FSHR: variants seen among roughly 807,000 people sequenced by gnomAD.
FSHR encodes the protein follicle-stimulating hormone receptor.
A neutral mutation model predicts 52.1 loss-of-function variants in FSHR; 46 were observed. That is an observed-to-expected ratio of 0.88 (90% CI 0.70 to 1.13). The LOEUF is 1.13. Among genes scored for constraint, FSHR ranks in the 50% most tolerant of loss-of-function variants. FSHR has a pLI of 0.00. For synonymous variants in FSHR, 399 were observed against 309.6 expected, an observed-to-expected ratio of 1.29 and a Z score of -3.03; for missense variants, 964 against 834.6, an observed-to-expected ratio of 1.16 and a Z score of -1.91.
intron 2 of FSHR, among the ~76,000 whole-genome samples, chr2:49,040,569 T>C (rs1173956230): frequency 1.3e-5 from 2 of 151,970 alleles, no homozygotes; most frequent in African/African-American, 4.8e-5. Context: ...GTGTTGAAAG[T>C]AGGAAGGAAT....
chr2:49,012,739 C>CA (rs1667318300), intron 4 of FSHR, among the ~76,000 whole-genome samples: 2 of 152,084 alleles, frequency 1.3e-5, no homozygotes, highest in Non-Finnish European at 2.9e-5. Flanking sequence ...ATCCATTTTG[C>CA]GTTTTTTCTC....
At chr2:49,116,652 G>A (rs1210542458) in intron 1 of FSHR, among the ~76,000 whole-genome samples, 9 of 152,152 alleles carry the variant, frequency 5.9e-5, no homozygotes, top group Admixed American at 5.9e-4. Flanking sequence ...CTCCATGTAT[G>A]TAGCCAATAG....
At chr2:49,142,214 A>G (rs7577214) in intron 1 of FSHR, among the ~76,000 whole-genome samples, 73,149 of 151,884 alleles carry the variant, frequency 0.48, 17,787 homozygotes, top group East Asian at 0.7. Context: ...AGTGGTGGGG[A>G]GGAAAGTAAA....
chr2:49,013,531 T>TAA (rs1667369907), intron 4 of FSHR, among the ~76,000 whole-genome samples: 1 of 143,492 alleles, frequency 7.0e-6, no homozygotes, highest in African/African-American at 2.5e-5. Flanking sequence ...TATATAAAAA[T>TAA]ATATATATAA....
rs72289679 is a variant in FSHR at position 49,127,519 on chromosome 2, TACACACACACAC to T, written c.152+26735_152+26746del. Among the ~76,000 whole-genome samples, 19 of 147,146 alleles carry T rather than the reference TACACACACACAC, an allele frequency of 1.3e-4. 1 individual carries two copies. The South Asian group carries it at 3.9e-3, about 31-fold the overall frequency. On this transcript the variant is annotated intron_variant, in intron 1 of 9. Transcript: ENST00000406846. ...GTTTCTTTCTCAATGACCACCACAA[TACACACACACAC>T]ACACACACACACACACCCCATGTAC... is the stretch of plus-strand genomic sequence containing the variant.
chr2:49,097,157 A>G (rs1351131828), intron 1 of FSHR, among the ~76,000 whole-genome samples: 1 of 152,166 alleles, frequency 6.6e-6, no homozygotes, highest in Admixed American at 6.5e-5. Context: ...CTTATATAAA[A>G]TGTTCTGCTT....
intron 6 of FSHR, among the ~76,000 whole-genome samples, chr2:48,984,242 G>T (rs534649780): frequency 5.3e-5 from 8 of 152,134 alleles, no homozygotes; most frequent in African/African-American, 1.7e-4. Context: ...AGAAAGGGGC[G>T]AGGCAAATCT....
chr2:49,132,141 T>C (rs1245464022), intron 1 of FSHR, among the ~76,000 whole-genome samples: 1 of 152,216 alleles, frequency 6.6e-6, no homozygotes, highest in African/African-American at 2.4e-5. Flanking sequence ...TTAGTAAAGA[T>C]GTGTTGCCTG....
rs773750816 is a variant in FSHR, at chr2:49,049,814, C to T, written c.224+18405G>A. On this transcript the variant is annotated intron_variant, in intron 2 of 9. Transcript: ENST00000406846. ...TGCTTTCTTTATCAGACTCATATAG[C>T]CCCTACTCTAATATATATATATATA... Among the ~76,000 whole-genome samples, 40 of 132,424 alleles carry T rather than the reference C, an allele frequency of 3.0e-4. 1 individual carries two copies. The highest frequency in any genetic ancestry group is 1.4e-4 in the Non-Finnish European group (9 of 63,988). 86.9% of individuals were successfully genotyped at this position (132,424 alleles called of 152,430 possible).
chr2:49,125,181 G>A (rs1174127923), intron 1 of FSHR, among the ~76,000 whole-genome samples: 1 of 151,988 alleles, frequency 6.6e-6, no homozygotes, highest in African/African-American at 2.4e-5. Flanking sequence ...TCTTTGTTTC[G>A]TTACTTTTTT....
At chr2:48,997,548 T>C (rs1346646724) in intron 4 of FSHR, among the ~76,000 whole-genome samples, 3 of 152,008 alleles carry the variant, frequency 2.0e-5, no homozygotes, top group Non-Finnish European at 4.4e-5. Context: ...CAAGTCCTCC[T>C]GGCCTTATCA....
At chr2:49,082,041 G>A (rs1670187975) in intron 1 of FSHR, among the ~76,000 whole-genome samples, 1 of 152,176 alleles carries the variant, frequency 6.6e-6, no homozygotes, top group Non-Finnish European at 1.5e-5. Context: ...GGCCGAATAG[G>A]AACAGCTCCA....
At chr2:49,131,674 C>G (rs1001534254) in intron 1 of FSHR, among the ~76,000 whole-genome samples, 1 of 152,088 alleles carries the variant, frequency 6.6e-6, no homozygotes, top group Non-Finnish European at 1.5e-5. Context: ...TTCAACTACC[C>G]TCTCCCCTAC....
chr2:49,036,263 T>C (rs181270141), intron 2 of FSHR, among the ~76,000 whole-genome samples: 158 of 152,268 alleles, frequency 1.0e-3, no homozygotes, highest in African/African-American at 3.7e-3. Flanking sequence ...TTTCTTCCTC[T>C]TTTGGGGTCT....
intron 2 of FSHR, among the ~76,000 whole-genome samples, chr2:49,056,461 TA>T: frequency 4.1e-5 from 1 of 24,384 alleles, no homozygotes; most frequent in African/African-American, 9.1e-5. Context: ...TATATATATA[TA>T]TATATATATA....
chr2:49,021,861 C>A (rs867233399), intron 2 of FSHR, among the ~76,000 whole-genome samples: 4,738 of 42,122 alleles, frequency 0.11, 178 homozygotes, highest in Middle Eastern at 0.19. Flanking sequence ...CTCTCTCTCT[C>A]TCTATATATA....
chr2:49,142,244 T>G (rs905501695), intron 1 of FSHR, among the ~76,000 whole-genome samples: 1 of 152,176 alleles, frequency 6.6e-6, no homozygotes, highest in Non-Finnish European at 1.5e-5. Flanking sequence ...ACATTCAAGT[T>G]GTAGTAAGTT....
chr2:49,057,815 A>C (rs1406755514), intron 2 of FSHR, among the ~76,000 whole-genome samples: 1 of 152,192 alleles, frequency 6.6e-6, no homozygotes, highest in Non-Finnish European at 1.5e-5. Flanking sequence ...TCAAAGAAAT[A>C]ATATATGAGA....
intron 1 of FSHR, among the ~76,000 whole-genome samples, chr2:49,146,914 T>C (rs1250565730): frequency 9.9e-5 from 15 of 152,068 alleles, no homozygotes; most frequent in Non-Finnish European, 1.8e-4. Context: ...GCATTCTTGA[T>C]GGTTTCTGAC....
Sources: gnomAD v4.1 joint callset for allele counts (sites outside exome capture counted in the v4.1 genomes callset) on GRCh38, gnomAD v4.1.1 for gene constraint, MANE v1.5 for transcripts, NCBI Gene and HGNC (gene_info 2026-07-23, HGNC 2026-07-21) for gene names.